FAM219A: variants seen among roughly 807,000 people sequenced by gnomAD.
The protein encoded by FAM219A is family with sequence similarity 219 member A.
A neutral mutation model predicts 23.4 loss-of-function variants in FAM219A; 7 were observed. The observed-to-expected ratio is 0.30, with a 90% CI of 0.17 to 0.56. The LOEUF (loss-of-function observed/expected upper bound fraction) is 0.56. Among genes scored for constraint, FAM219A ranks in the 20% least tolerant of loss-of-function variants. The pLI, the probability that FAM219A is intolerant of heterozygous loss-of-function variation, is 0.92. For synonymous variants in FAM219A, 93 were observed against 99.0 expected (o/e 0.94, Z 0.36); for missense variants, 166 against 246.9 (o/e 0.67, Z 2.20).
chr9:34,430,585 C>T (rs1416406020), intron 1 of FAM219A, among the ~76,000 whole-genome samples: 14 of 130,154 alleles, frequency 1.1e-4, no homozygotes, highest in African/African-American at 3.6e-4. Context: ...TGCAGTGAGC[C>T]GAGATCGCGC....
At position 34,398,531 on chromosome 9, in the gene FAM219A, C is replaced by T; in HGVS notation, c.*2433G>A. The T allele has an allele frequency of 1.5e-6, 1 of 682,892 alleles. No individual in the cohort carries two copies. Among genetic ancestry groups the T allele is most frequent in the Non-Finnish European group, 2.5e-6 (1 of 405,516 alleles). The allele number at this position is 682,892 out of a possible 1,614,324, so 42.3% of individuals were successfully genotyped here. The stretch of plus-strand genomic sequence containing the variant: ...CAGCTTCCTGCCTCTCTCTGCCACA[C>T]ATGCACTGCCTCAGTTGGAAGCCCT... On this transcript the variant is annotated 3_prime_UTR_variant, in exon 6 of 6. Coordinates refer to ENST00000651358, the MANE Select transcript of FAM219A (RefSeq NM_001184940.2).
Position 34,401,683 on chromosome 9 carries a change from C to G in FAM219A, c.382G>C (p.Gly128Arg). 2 of 1,608,354 alleles carry G rather than the reference C, an allele frequency of 1.2e-6. No individual in the cohort carries two copies. The highest frequency in any genetic ancestry group is 1.7e-6 in the Non-Finnish European group (2 of 1,178,584). Residue 128 changes from glycine (G) to arginine (R), a missense_variant, in exon 5 of 6, where the codon GGC becomes CGC. This residue lies in a region of FAM219A where 72 missense variants were observed against 131.0 expected (regional missense o/e 0.55). Transcript: ENST00000651358. ...DFDMSRYSSS[G>R]YSSAEQINQD... Reference sequence around the variant, plus strand: ...GGGCTCACCTCAGCAGAGGAGTAGCCGGAGGAGGAGTATCTAGACATGTCA... The same window carrying G: ...GGGCTCACCTCAGCAGAGGAGTAGCGGGAGGAGGAGTATCTAGACATGTCA...
intron 1 of FAM219A, among the ~76,000 whole-genome samples, chr9:34,420,992 A>ATGTGTG (rs1212346431): frequency 3.7e-5 from 4 of 107,442 alleles, no homozygotes; most frequent in Middle Eastern, 6.7e-3. Flanking sequence ...GTGTGTGTGT[A>ATGTGTG]TGTGTGTGTG....
intron 1 of FAM219A, among the ~76,000 whole-genome samples, chr9:34,430,734 C>T (rs558838373): frequency 4.5e-4 from 67 of 150,194 alleles, no homozygotes; most frequent in Non-Finnish European, 9.2e-4. Flanking sequence ...CCCAGCTACC[C>T]GGGAGGCTGA....
rs953549914 is a variant in FAM219A at position 34,458,538 on chromosome 9, C to G, written c.-275G>C. ...GCCTCGCCTCCTACTCCGCTGCCGC[C>G]TCCTGTCAGCAGCTCAGCCACTGCG... On this transcript the variant is annotated 5_prime_UTR_variant, in exon 1 of 6. Transcript: ENST00000651358. The surrounding 1 kb of genome is among the most constrained non-coding windows in gnomAD (Gnocchi z 6.6). The G allele has an allele frequency of 2.6e-6, 1 of 380,156 alleles. No homozygotes were observed. 23.5% of individuals were successfully genotyped at this position (380,156 alleles called of 1,614,324 possible).
chr9:34,414,435 T>A (rs563638065), intron 1 of FAM219A, among the ~76,000 whole-genome samples: 1 of 152,294 alleles, frequency 6.6e-6, no homozygotes, highest in South Asian at 2.1e-4. Context: ...TTAAGATCCT[T>A]AGGGGATAGG....
At chr9:34,410,939 A>G (rs1177294919) in intron 1 of FAM219A, among the ~76,000 whole-genome samples, 1 of 152,234 alleles carries the variant, frequency 6.6e-6, no homozygotes, top group Admixed American at 6.5e-5. Context: ...GTATTAAAGC[A>G]GTTAGAATAG....
At chr9:34,453,619 G>T (rs1823636508) in intron 1 of FAM219A, among the ~76,000 whole-genome samples, 1 of 152,134 alleles carries the variant, frequency 6.6e-6, no homozygotes, top group African/African-American at 2.4e-5. Flanking sequence ...CTAAACAAAT[G>T]AGTTAACTGA....
chr9:34,457,170 C>T lies in FAM219A; in HGVS notation c.60+1034G>A, dbSNP rs925924920. ...ACCTTGCCTCCTTCCAATTCCAGCT[C>T]AGGCTCCAGGGGGATAAAGCGAACA... On this transcript the variant is annotated intron_variant, in intron 1 of 5. Coordinates refer to ENST00000651358, the MANE Select transcript of FAM219A (RefSeq NM_001184940.2). This position sits in a 1 kb window ranked among gnomAD's most constrained non-coding sequence, Gnocchi z 5.1. Among the ~76,000 whole-genome samples the T allele has an allele frequency of 6.6e-6, 1 of 152,240 alleles. No individual in the cohort carries two copies. Among genetic ancestry groups the T allele is most frequent in the Non-Finnish European group, 1.5e-5 (1 of 68,036 alleles).
intron 1 of FAM219A, among the ~76,000 whole-genome samples, chr9:34,416,599 A>G (rs1385600244): frequency 4.6e-5 from 7 of 151,972 alleles, no homozygotes; most frequent in African/African-American, 1.7e-4. Flanking sequence ...CCCCTTCTCT[A>G]CTAAAAAATA....
chr9:34,439,578 T>C (rs1823085530), intron 1 of FAM219A, among the ~76,000 whole-genome samples: 1 of 152,106 alleles, frequency 6.6e-6, no homozygotes, highest in African/African-American at 2.4e-5. Flanking sequence ...TCCTCTGTGA[T>C]GAAACTATAG....
intron 1 of FAM219A, among the ~76,000 whole-genome samples, chr9:34,410,142 G>A (rs1821771673): frequency 6.6e-6 from 1 of 152,216 alleles, no homozygotes; most frequent in Non-Finnish European, 1.5e-5. Context: ...GCTAAAGACA[G>A]GCCCTCTGGG....
intron 1 of FAM219A, among the ~76,000 whole-genome samples, chr9:34,450,000 G>C (rs900574893): frequency 2.0e-5 from 3 of 152,116 alleles, no homozygotes. Flanking sequence ...TCCTTCATAA[G>C]GATAAAATGG....
chr9:34,404,537 A>G (rs1410129017), intron 2 of FAM219A, among the ~76,000 whole-genome samples: 3 of 152,176 alleles, frequency 2.0e-5, no homozygotes, highest in Non-Finnish European at 4.4e-5. Context: ...GCGAAAGCCT[A>G]TCTTTACTAA....
intron 2 of FAM219A, among the ~76,000 whole-genome samples, chr9:34,403,125 G>A (rs554668664): frequency 2.0e-4 from 31 of 152,296 alleles, no homozygotes; most frequent in Non-Finnish European, 3.7e-4. Flanking sequence ...GAAGGATGGC[G>A]CAGTCAGAGA....
At chr9:34,431,776 G>A (rs930265653) in intron 1 of FAM219A, among the ~76,000 whole-genome samples, 1 of 152,108 alleles carries the variant, frequency 6.6e-6, no homozygotes, top group African/African-American at 2.4e-5. Context: ...AAAAAGTCCA[G>A]ATAAGCACAA....
intron 1 of FAM219A, among the ~76,000 whole-genome samples, chr9:34,437,983 C>G (rs1186290925): frequency 6.6e-6 from 1 of 152,216 alleles, no homozygotes; most frequent in Non-Finnish European, 1.5e-5. Flanking sequence ...CCTGGAGTTC[C>G]GAGTGGGCGT....
rs1038837912 is a variant in FAM219A at position 34,418,837 on chromosome 9, A to G, written c.61-12873T>C. 8.5e-5 allele frequency among the ~76,000 whole-genome samples: 13 copies of G among 152,292 alleles called. No homozygotes were observed. In the Middle Eastern group the frequency reaches 0.01, roughly 120 times the overall value. On this transcript the variant is annotated intron_variant, in intron 1 of 5. Coordinates refer to ENST00000651358, the MANE Select transcript of FAM219A (RefSeq NM_001184940.2). ...GTAATCCCAGCACTTTGGGAGGCCGAGGTGGGTGGATCACTTGAGGCCAGG... is the reference window on the plus strand; with the variant it reads ...GTAATCCCAGCACTTTGGGAGGCCGGGGTGGGTGGATCACTTGAGGCCAGG...
At chr9:34,402,331 T>C (rs1412420582) in intron 4 of FAM219A, 56 bp downstream of exon 4, 1 of 1,614,150 alleles carries the variant, frequency 6.2e-7, no homozygotes. Context: ...TACAGCCCAC[T>C]TGTGCTATAC....
Sources: allele counts gnomAD v4.1 joint callset (sites outside exome capture counted in the v4.1 genomes callset), GRCh38; gene constraint gnomAD v4.1.1; regional missense constraint gnomAD v4.1.1; non-coding constraint Gnocchi (gnomAD v3.1); transcripts MANE v1.5; gene names NCBI Gene and HGNC (gene_info 2026-07-23, HGNC 2026-07-21).